PITPNM2: variants seen among roughly 807,000 people sequenced by gnomAD.
PITPNM2 encodes phosphatidylinositol transfer protein membrane associated 2, also known as membrane-associated phosphatidylinositol transfer protein 2.
In PITPNM2, 35 loss-of-function variants were observed where a neutral mutation model predicts 132.2. That is an observed-to-expected ratio of 0.26 (90% CI 0.20 to 0.35). PITPNM2 has a LOEUF of 0.35. Ranked by LOEUF, PITPNM2 falls within the 10% of genes least tolerant of loss-of-function variation. The pLI is 1.00. For synonymous variants in PITPNM2, 738 were observed against 799.2 expected, an observed-to-expected ratio of 0.92 and a Z score of 1.29; for missense variants, 1,332 against 1,912.0, an observed-to-expected ratio of 0.70 and a Z score of 5.66.
Position 122,994,905 on chromosome 12 carries a change from C to T in PITPNM2, c.2129G>A (p.Gly710Asp). Residue 710 changes from glycine (G) to aspartate (D), a missense_variant, in exon 15 of 26, where the codon GGT (glycine) becomes GAT (aspartate). This residue lies in a region of PITPNM2 where 710 missense variants were observed against 911.5 expected (regional missense o/e 0.78). Transcript: ENST00000320201. This position sits in a 1 kb window ranked among gnomAD's most constrained non-coding sequence, Gnocchi z 5.4. ...SSSSTMLDGT[G>D]ALGRFDFEIT... is the part of the protein sequence containing the mutation. ...CTCAAAGTCAAACCTGCCCAGGGCA[C>T]CTGTGCCATCCAGCATGGTGGAGCT... 6.2e-7 allele frequency: 1 copy of T among 1,612,266 alleles called. No homozygotes were observed. The highest frequency in any genetic ancestry group is 8.5e-7 in the Non-Finnish European group (1 of 1,179,888).
At chr12:123,134,003 C>T (rs944471967) in intron 1 of PITPNM2, among the ~76,000 whole-genome samples, 1 of 152,064 alleles carries the variant, frequency 6.6e-6, no homozygotes, top group Non-Finnish European at 1.5e-5. Context: ...CTCTGAAAAA[C>T]ATAGAGACTG....
At chr12:123,086,441 C>T (rs990420538) in intron 2 of PITPNM2, among the ~76,000 whole-genome samples, 25 of 152,198 alleles carry the variant, frequency 1.6e-4, no homozygotes, top group African/African-American at 5.3e-4. Context: ...GGTCAAAGGT[C>T]GGTAAATGGT....
At position 123,077,400 on chromosome 12, in the gene PITPNM2, A is replaced by G. The variant is rs2041825035; in HGVS notation, c.-96+32985T>C. Reference sequence around the variant, plus strand: ...AGCCAACGTGTGGCCAACAATCACCACTCCAGAGCCCTGCCCCATCTAGGG... The same window carrying G: ...AGCCAACGTGTGGCCAACAATCACCGCTCCAGAGCCCTGCCCCATCTAGGG... On this transcript the variant is annotated intron_variant, in intron 2 of 25. Transcript: ENST00000320201. This position sits in a 1 kb window ranked among gnomAD's most constrained non-coding sequence, Gnocchi z 4.8. Among the ~76,000 whole-genome samples, 1 of 151,768 alleles carries G rather than the reference A, an allele frequency of 6.6e-6. No homozygotes were observed. The highest frequency in any genetic ancestry group is 1.5e-5 in the Non-Finnish European group (1 of 67,914).
At chr12:123,020,671 C>T (rs1296629516) in intron 3 of PITPNM2, among the ~76,000 whole-genome samples, 1 of 152,072 alleles carries the variant, frequency 6.6e-6, no homozygotes. Context: ...GCTTTATGAA[C>T]ATGAAATCTT....
intron 1 of PITPNM2, among the ~76,000 whole-genome samples, chr12:123,126,709 C>T (rs1389115331): frequency 6.6e-6 from 1 of 152,066 alleles, no homozygotes; most frequent in Non-Finnish European, 1.5e-5. Context: ...TGATTCATGA[C>T]ATTGGAACTT....
intron 2 of PITPNM2, among the ~76,000 whole-genome samples, chr12:123,096,920 AAC>A (rs1312009384): frequency 6.6e-6 from 1 of 152,210 alleles, no homozygotes; most frequent in Non-Finnish European, 1.5e-5. Flanking sequence ...AAGCTAGAGG[AAC>A]TAAAGGATGC....
In PITPNM2 at chr12:123,031,777, C is replaced by T; in HGVS notation, c.78+2736G>A. 6.6e-6 allele frequency among the ~76,000 whole-genome samples: 1 copy of T among 152,202 alleles called. No homozygotes were observed. The highest frequency in any genetic ancestry group is 1.5e-5 in the Non-Finnish European group (1 of 68,040). On this transcript the variant is annotated intron_variant, in intron 3 of 25. Coordinates refer to ENST00000320201, the MANE Select transcript of PITPNM2 (RefSeq NM_020845.3). The surrounding 1 kb of genome is among the most constrained non-coding windows in gnomAD (Gnocchi z 4.5). ...CACAGAAGCACCTCTCCCGGCAATA[C>T]CTGGTTTCTTTCACCTTTCTTTTTT...
Position 123,106,887 on chromosome 12 carries a change from G to A in PITPNM2, c.-96+3498C>T, listed in dbSNP as rs1205914791. Reference sequence around the variant, plus strand: ...TCACAGACCTAAACCTCACAGGGACGGACAGGCCTGCATTCCCATGTGGGA... The same window carrying A: ...TCACAGACCTAAACCTCACAGGGACAGACAGGCCTGCATTCCCATGTGGGA... On this transcript the variant is annotated intron_variant, in intron 2 of 25. Transcript: ENST00000320201. The surrounding 1 kb of genome is among the most constrained non-coding windows in gnomAD (Gnocchi z 4.4). Among the ~76,000 whole-genome samples, 8 of 152,234 alleles carry A rather than the reference G, an allele frequency of 5.3e-5. No individual in the cohort carries two copies. The highest frequency in any genetic ancestry group is 1.2e-4 in the Non-Finnish European group (8 of 68,042).
intron 16 of PITPNM2, among the ~76,000 whole-genome samples, chr12:122,991,277 G>A (rs2038173646): frequency 1.3e-5 from 2 of 152,366 alleles, no homozygotes; most frequent in South Asian, 4.1e-4. Flanking sequence ...GGCGCAGGCT[G>A]AAGACAGGAC....
chr12:123,012,853 G>C, intron 4 of PITPNM2, 119 bp from the exon 5 acceptor site: 1 of 1,388,842 alleles, frequency 7.2e-7, no homozygotes, highest in Non-Finnish European at 9.8e-7. Flanking sequence ...GAAGGAGGGT[G>C]GAGGGTAGCC....
intron 2 of PITPNM2, among the ~76,000 whole-genome samples, chr12:123,057,094 A>ATTCAGGCCAGGCGTGGTGG (rs2041054903): frequency 2.0e-5 from 3 of 152,080 alleles, no homozygotes; most frequent in Non-Finnish European, 4.4e-5. Context: ...AAAAATCTAA[A>ATTCAGGCCAGGCGTGGTGG]TTCAGGCCAG....
chr12:123,147,902 T>C (rs1326931156), intron 1 of PITPNM2, among the ~76,000 whole-genome samples: 3 of 152,218 alleles, frequency 2.0e-5, no homozygotes, highest in Admixed American at 1.3e-4. Context: ...TGGTGCATAG[T>C]ATACAAACAA....
rs1474103711 is a variant in PITPNM2, at chr12:123,078,406, G to A, written c.-96+31979C>T. Among the ~76,000 whole-genome samples, 4 of 152,166 alleles carry A rather than the reference G, an allele frequency of 2.6e-5. No homozygotes were observed. The highest frequency in any genetic ancestry group is 6.5e-5 in the Admixed American group (1 of 15,280). On this transcript the variant is annotated intron_variant, in intron 2 of 25. Coordinates refer to ENST00000320201, the MANE Select transcript of PITPNM2 (RefSeq NM_020845.3). The surrounding 1 kb of genome is among the most constrained non-coding windows in gnomAD (Gnocchi z 7.3). ...AAAGGGAGGAGATGGGGGCTTTCTC[G>A]CCTGGCTCGTGGTGCTCCGCTGCCC...
intron 1 of PITPNM2, among the ~76,000 whole-genome samples, chr12:123,127,946 T>C (rs1375991223): frequency 6.6e-6 from 1 of 152,010 alleles, no homozygotes; most frequent in Non-Finnish European, 1.5e-5. Context: ...GGCTTGAATC[T>C]AGAATAAAGA....
chr12:123,046,156 G>A (rs920922748), intron 2 of PITPNM2, among the ~76,000 whole-genome samples: 11 of 152,108 alleles, frequency 7.2e-5, no homozygotes, highest in Admixed American at 6.5e-4. Flanking sequence ...GAGGAGGAGG[G>A]TGTAGGAGAA....
In PITPNM2 at chr12:123,106,410, T is replaced by A. The variant is rs7953918; in HGVS notation, c.-96+3975A>T. Among the ~76,000 whole-genome samples the A allele has an allele frequency of 9.2e-4, 133 of 144,948 alleles. No homozygotes were observed. Among genetic ancestry groups the A allele is most frequent in the African/African-American group, 3.2e-3 (130 of 40,054 alleles). On this transcript the variant is annotated intron_variant, in intron 2 of 25. Transcript: ENST00000320201. This position sits in a 1 kb window ranked among gnomAD's most constrained non-coding sequence, Gnocchi z 4.4. ...CTCTAAAATAAGTAAATAATTCCTT[T>A]AAAAAAAAAAACAGGAAGAAAAGAA...
At chr12:123,135,171 G>C (rs1406612202) in intron 1 of PITPNM2, among the ~76,000 whole-genome samples, 1 of 152,084 alleles carries the variant, frequency 6.6e-6, no homozygotes, top group Non-Finnish European at 1.5e-5. Flanking sequence ...AGACCACAAA[G>C]GCAGAAGTCA....
intron 2 of PITPNM2, among the ~76,000 whole-genome samples, chr12:123,067,452 A>ATC (rs1413775405): frequency 1.7e-5 from 2 of 117,214 alleles, no homozygotes; most frequent in Admixed American, 9.5e-5. Flanking sequence ...GTGAAACTCC[A>ATC]TCACACACAC....
At chr12:123,138,281 T>G (rs1271512538) in intron 1 of PITPNM2, among the ~76,000 whole-genome samples, 1 of 151,748 alleles carries the variant, frequency 6.6e-6, no homozygotes. Flanking sequence ...ACCCCATCTC[T>G]GCAAAAAAAT....
Sources: allele counts gnomAD v4.1 joint callset (sites outside exome capture counted in the v4.1 genomes callset), GRCh38; gene constraint gnomAD v4.1.1; regional missense constraint gnomAD v4.1.1; non-coding constraint Gnocchi (gnomAD v3.1); transcripts MANE v1.5; gene names NCBI Gene and HGNC (gene_info 2026-07-23, HGNC 2026-07-21).